HHAT: variants seen among roughly 807,000 people sequenced by gnomAD.
HHAT encodes the protein hedgehog acyltransferase.
Under a neutral mutation model 70.8 loss-of-function variants are expected in HHAT, and 47 were observed. That is an observed-to-expected ratio of 0.66 (90% CI 0.53 to 0.85). The LOEUF (loss-of-function observed/expected upper bound fraction) is 0.85, where lower values mean the gene tolerates loss of function less well. Ranked by LOEUF, HHAT falls within the 40% of genes least tolerant of loss-of-function variation. HHAT has a pLI of 0.00. For synonymous variants in HHAT, 228 were observed against 247.6 expected, an observed-to-expected ratio of 0.92 and a Z score of 0.74; for missense variants, 609 against 604.8, an observed-to-expected ratio of 1.01 and a Z score of -0.07.
intron 3 of HHAT, among the ~76,000 whole-genome samples, chr1:210,377,461 T>A (rs1186046271): frequency 2.0e-5 from 3 of 152,164 alleles, no homozygotes; most frequent in African/African-American, 4.8e-5. Flanking sequence ...CTTTGCTGGC[T>A]TTAGGAGGAA....
intron 6 of HHAT, among the ~76,000 whole-genome samples, chr1:210,409,446 C>T (rs182490419): frequency 6.6e-6 from 1 of 152,284 alleles, no homozygotes; most frequent in African/African-American, 2.4e-5. Context: ...TGGGAGAGCT[C>T]ACTGGATGTT....
intron 9 of HHAT, among the ~76,000 whole-genome samples, chr1:210,562,057 C>A: frequency 6.6e-6 from 1 of 152,142 alleles, no homozygotes; most frequent in Middle Eastern, 3.2e-3. Flanking sequence ...TTGTATCAAC[C>A]ACTACAGAGC....
intron 8 of HHAT, among the ~76,000 whole-genome samples, chr1:210,510,927 C>A (rs758558162): frequency 3.3e-5 from 5 of 152,124 alleles, no homozygotes; most frequent in Non-Finnish European, 4.4e-5. Context: ...TGGTCTCTGT[C>A]GCTAATGTAA....
At chr1:210,622,168 C>T (rs555533708) in intron 10 of HHAT, among the ~76,000 whole-genome samples, 3 of 152,288 alleles carry the variant, frequency 2.0e-5, no homozygotes, top group South Asian at 2.1e-4. Context: ...TGAATTGCAT[C>T]GGCTGCTGTC....
intron 8 of HHAT, among the ~76,000 whole-genome samples, chr1:210,479,646 C>T (rs2094361261): frequency 1.3e-5 from 2 of 152,114 alleles, no homozygotes; most frequent in Non-Finnish European, 2.9e-5. Context: ...TAACAGTTTA[C>T]CAGTGATTAG....
intron 1 of HHAT, among the ~76,000 whole-genome samples, chr1:210,340,709 A>G (rs539724190): frequency 1.4e-4 from 21 of 152,168 alleles, no homozygotes; most frequent in Non-Finnish European, 2.8e-4. Flanking sequence ...TATTGATTTA[A>G]ATTTTTTTAT....
At chr1:210,360,120 A>T (rs1226598904) in intron 2 of HHAT, among the ~76,000 whole-genome samples, 2 of 152,196 alleles carry the variant, frequency 1.3e-5, no homozygotes, top group Non-Finnish European at 2.9e-5. Flanking sequence ...CTCCTGTATC[A>T]ACTACATTCT....
intron 3 of HHAT, among the ~76,000 whole-genome samples, chr1:210,373,412 C>T (rs1007507475): frequency 1.3e-5 from 2 of 152,070 alleles, no homozygotes; most frequent in Admixed American, 6.6e-5. Context: ...CATGACATGA[C>T]AGTTGATAAG....
At chr1:210,570,853 A>G (rs1323504713) in intron 9 of HHAT, among the ~76,000 whole-genome samples, 3 of 152,142 alleles carry the variant, frequency 2.0e-5, no homozygotes, top group South Asian at 2.1e-4. Context: ...CCCACAGGTG[A>G]ACTCTGAAGA....
At chr1:210,666,764 A>G (rs1048007808) in intron 11 of HHAT, among the ~76,000 whole-genome samples, 31 of 151,940 alleles carry the variant, frequency 2.0e-4, no homozygotes, top group Non-Finnish European at 3.7e-4. Flanking sequence ...GATTATAGGC[A>G]TGAGCCACCA....
chr1:210,421,013 G>A (rs1572320704), intron 7 of HHAT, among the ~76,000 whole-genome samples: 1 of 151,984 alleles, frequency 6.6e-6, no homozygotes, highest in South Asian at 2.1e-4. Context: ...TGCTCTTCTC[G>A]GCAGTGTGTT....
At chr1:210,376,690 G>T (rs3819987) in intron 3 of HHAT, among the ~76,000 whole-genome samples, 123,439 of 151,970 alleles carry the variant, frequency 0.81, 50,907 homozygotes, top group African/African-American at 0.95. Flanking sequence ...TCAGGGGTGC[G>T]CTGGGTGGGG....
At chr1:210,636,525 G>T (rs1421389657) in intron 11 of HHAT, among the ~76,000 whole-genome samples, 1 of 152,170 alleles carries the variant, frequency 6.6e-6, no homozygotes, top group Non-Finnish European at 1.5e-5. Flanking sequence ...ACAACTTTAA[G>T]AACTTTCTTT....
At chr1:210,440,360 A>G (rs2093476845) in intron 7 of HHAT, among the ~76,000 whole-genome samples, 1 of 151,578 alleles carries the variant, frequency 6.6e-6, no homozygotes, top group African/African-American at 2.4e-5. Context: ...TTCTGTAGGG[A>G]GTTCTGCAGG....
At chr1:210,580,571 T>C (rs1224410657) in intron 9 of HHAT, among the ~76,000 whole-genome samples, 3 of 148,284 alleles carry the variant, frequency 2.0e-5, no homozygotes, top group Non-Finnish European at 3.0e-5. Context: ...TTCCCACTTA[T>C]GAGTGAGAAC....
At chr1:210,465,873 A>G (rs1216742589) in intron 8 of HHAT, among the ~76,000 whole-genome samples, 1 of 151,732 alleles carries the variant, frequency 6.6e-6, no homozygotes, top group African/African-American at 2.4e-5. Flanking sequence ...GCAAGGAATG[A>G]ATTGCAAGGA....
chr1:210,442,248 CATT>C (rs1205337536), intron 7 of HHAT, among the ~76,000 whole-genome samples: 1 of 132,136 alleles, frequency 7.6e-6, no homozygotes, highest in African/African-American at 2.8e-5. Context: ...TCCAGTCTAT[CATT>C]GTTGGACATT....
chr1:210,547,913 T>C (rs538061135), intron 9 of HHAT, among the ~76,000 whole-genome samples: 57 of 152,258 alleles, frequency 3.7e-4, no homozygotes, highest in Non-Finnish European at 7.1e-4. Context: ...CAGATTAACT[T>C]TGGAACAATG....
At chr1:210,331,219 C>T (rs533967668) in intron 1 of HHAT, among the ~76,000 whole-genome samples, 2 of 151,938 alleles carry the variant, frequency 1.3e-5, no homozygotes, top group African/African-American at 2.4e-5. Context: ...GACCCCTGAG[C>T]TTGTTTTTCT....
Sources: gnomAD v4.1 joint callset for allele counts (sites outside exome capture counted in the v4.1 genomes callset) on GRCh38, gnomAD v4.1.1 for gene constraint, MANE v1.5 for transcripts, NCBI Gene and HGNC (gene_info 2026-07-23, HGNC 2026-07-21) for gene names.